Variants in CEP112 observed in about 807,000 individuals in gnomAD.
CEP112 encodes the protein centrosomal protein of 112 kDa.
Under a neutral mutation model 153.0 loss-of-function variants are expected in CEP112, and 127 were observed. The ratio of observed to expected loss-of-function variants is 0.83; its 90% confidence interval spans 0.72 to 0.96. The LOEUF (loss-of-function observed/expected upper bound fraction) is 0.96. Ranked by LOEUF, CEP112 falls within the 40% of genes least tolerant of loss-of-function variation. CEP112 has a pLI of 0.00. For missense variants in CEP112, 1,089 were observed against 1,101.2 expected, an observed-to-expected ratio of 0.99 and a Z score of 0.16; for synonymous variants, 358 against 374.4, an observed-to-expected ratio of 0.96 and a Z score of 0.51.
intron 18 of CEP112, among the ~76,000 whole-genome samples, chr17:65,955,685 C>T (rs762703421): frequency 2.0e-5 from 3 of 152,170 alleles, no homozygotes; most frequent in Non-Finnish European, 2.9e-5. Context: ...ACACCAAAAG[C>T]GAGCAGGAGT....
At chr17:65,786,118 T>C (rs980519848) in intron 21 of CEP112, among the ~76,000 whole-genome samples, 1 of 152,198 alleles carries the variant, frequency 6.6e-6, no homozygotes, top group Non-Finnish European at 1.5e-5. Context: ...GTTTTCAAGA[T>C]ACATATTTTG....
At chr17:66,063,159 T>A (rs2066990568) in intron 10 of CEP112, 78 bp from the exon 11 acceptor site, 1 of 540,148 alleles carries the variant, frequency 1.9e-6, no homozygotes, top group Admixed American at 3.5e-5. Flanking sequence ...AGTGCACCAG[T>A]TAGTAGGTAA....
intron 21 of CEP112, among the ~76,000 whole-genome samples, chr17:65,751,951 CTTCT>C (rs1426542983): frequency 1.1e-4 from 13 of 119,624 alleles, no homozygotes; most frequent in African/African-American, 3.9e-4. Context: ...CAATACAGTC[CTTCT>C]ATCTATCTAT....
chr17:65,820,288 CCG>C (rs1336845669), intron 21 of CEP112, among the ~76,000 whole-genome samples: 2 of 151,924 alleles, frequency 1.3e-5, no homozygotes, highest in Admixed American at 6.6e-5. Flanking sequence ...ATAAAAGATC[CCG>C]CTTCCTACAG....
chr17:65,808,360 A>G (rs1005728438), intron 21 of CEP112, among the ~76,000 whole-genome samples: 4 of 152,040 alleles, frequency 2.6e-5, no homozygotes, highest in Admixed American at 2.6e-4. Context: ...TTGGAATTGC[A>G]CTTTTGAGGT....
chr17:66,153,329 C>T (rs1012898767), intron 4 of CEP112, among the ~76,000 whole-genome samples: 2 of 151,908 alleles, frequency 1.3e-5, no homozygotes, highest in African/African-American at 4.8e-5. Context: ...GTGGTATACT[C>T]ATCAATGAAA....
intron 19 of CEP112, among the ~76,000 whole-genome samples, chr17:65,910,915 C>CA (rs1220846181): frequency 4.6e-5 from 7 of 151,926 alleles, no homozygotes; most frequent in Non-Finnish European, 7.4e-5. Context: ...ACTCTTGAAA[C>CA]AAAAAAACAC....
At chr17:66,142,514 G>C (rs1412171833) in intron 4 of CEP112, among the ~76,000 whole-genome samples, 2 of 152,096 alleles carry the variant, frequency 1.3e-5, no homozygotes, top group Non-Finnish European at 2.9e-5. Flanking sequence ...CGCATTTCTA[G>C]TTGATTTTTG....
At chr17:66,032,375 A>G (rs1210978672) in intron 12 of CEP112, among the ~76,000 whole-genome samples, 1 of 151,886 alleles carries the variant, frequency 6.6e-6, no homozygotes, top group African/African-American at 2.4e-5. Context: ...AAAACTCAGA[A>G]AAGCACACTA....
chr17:66,140,936 C>T (rs778655224), intron 4 of CEP112, among the ~76,000 whole-genome samples: 46 of 152,088 alleles, frequency 3.0e-4, no homozygotes, highest in Admixed American at 9.2e-4. Context: ...TGTGAGCCAC[C>T]GTGCCCAGCC....
chr17:66,065,143 T>C (rs2067066398), intron 10 of CEP112, among the ~76,000 whole-genome samples: 7 of 152,190 alleles, frequency 4.6e-5, no homozygotes, highest in Admixed American at 4.6e-4. Flanking sequence ...AAACTTCTTC[T>C]TTTCTTCGGT....
rs1445119607 is a variant in CEP112 at position 65,937,668 on chromosome 17, C to T, written c.1873-9979G>A. 2.6e-4 allele frequency among the ~76,000 whole-genome samples: 24 copies of T among 92,440 alleles called. 5 individuals are homozygous for T. The highest frequency in any genetic ancestry group is 2.0e-4 in the Non-Finnish European group (9 of 45,652). The allele number at this position is 92,440 out of a possible 152,430, so 60.6% of individuals were successfully genotyped here. A position where few individuals can be genotyped will look rare whatever the true frequency, so the allele number is the denominator to read the frequency against. ...GCCGCCCTGTCCGGGAGGTGAGGGG[C>T]GCCTCTGCCCGGCCGCCCCTACTGG... On this transcript the variant is annotated intron_variant, in intron 18 of 26. Coordinates refer to ENST00000535342, the MANE Select transcript of CEP112 (RefSeq NM_001199165.4).
chr17:65,882,942 G>A (rs1249399793), intron 20 of CEP112, among the ~76,000 whole-genome samples: 1 of 152,036 alleles, frequency 6.6e-6, no homozygotes, highest in East Asian at 1.9e-4. Flanking sequence ...GCCCTTCCTT[G>A]GCTTTTCTGT....
intron 21 of CEP112, among the ~76,000 whole-genome samples, chr17:65,819,618 A>G (rs993893494): frequency 1.3e-5 from 2 of 152,036 alleles, no homozygotes; most frequent in Non-Finnish European, 2.9e-5. Flanking sequence ...TGCATCACCA[A>G]TAACAAGATA....
At chr17:65,696,554 G>A (rs1756098510) in intron 23 of CEP112, among the ~76,000 whole-genome samples, 1 of 152,182 alleles carries the variant, frequency 6.6e-6, no homozygotes, top group South Asian at 2.1e-4. Context: ...CTGTGGCCGT[G>A]AAACAAGGAA....
In CEP112 at chr17:66,153,569, C is replaced by T. The variant is rs181200364; in HGVS notation, c.471-20806G>A. ...TCTTAATTTATCTATAGATTCAATG[C>T]ATTCATAATAAAATATCTCAACATG... is the stretch of plus-strand genomic sequence containing the variant. On this transcript the variant is annotated intron_variant, in intron 4 of 26. Transcript: ENST00000535342. Among the ~76,000 whole-genome samples the T allele has an allele frequency of 9.2e-4, 140 of 151,650 alleles. 1 individual carries two copies. Among genetic ancestry groups the T allele is most frequent in the African/African-American group, 3.2e-3 (132 of 41,334 alleles).
At chr17:65,753,150 C>T (rs1360965023) in intron 21 of CEP112, among the ~76,000 whole-genome samples, 1 of 152,142 alleles carries the variant, frequency 6.6e-6, no homozygotes, top group Non-Finnish European at 1.5e-5. Context: ...ATTTTCATAT[C>T]ACAAATAGGG....
At chr17:65,848,367 C>T (rs1390575957) in intron 21 of CEP112, among the ~76,000 whole-genome samples, 1 of 152,196 alleles carries the variant, frequency 6.6e-6, no homozygotes, top group African/African-American at 2.4e-5. Context: ...CTCATCCTTC[C>T]TGAGTTTGGG....
chr17:65,886,756 C>T (rs1159986812), intron 20 of CEP112, among the ~76,000 whole-genome samples: 1 of 152,248 alleles, frequency 6.6e-6, no homozygotes, highest in East Asian at 1.9e-4. Flanking sequence ...AATTTGTGCA[C>T]CAAGTCATGT....
Sources: gnomAD v4.1 joint callset for allele counts (sites outside exome capture counted in the v4.1 genomes callset) on GRCh38, gnomAD v4.1.1 for gene constraint, MANE v1.5 for transcripts, NCBI Gene and HGNC (gene_info 2026-07-23, HGNC 2026-07-21) for gene names.